The following LSM6 variants were observed in gnomAD, a reference collection of about 807,000 sequenced individuals.
LSM6 encodes the protein LSM6 homolog, U6 small nuclear RNA and mRNA degradation associated, also known as U6 snRNA-associated Sm-like protein LSm6.
Under a neutral mutation model 13.5 loss-of-function variants are expected in LSM6, and 2 were observed. That is an observed-to-expected ratio of 0.15 (90% CI 0.06 to 0.47). The LOEUF is 0.47. LSM6 is among the 20% of genes least tolerant of loss of function. LSM6 has a pLI of 0.97. For synonymous variants in LSM6, 43 were observed against 34.9 expected (o/e 1.23, Z -0.82); for missense variants, 58 against 96.4 (o/e 0.60, Z 1.67).
At chr4:146,176,691 C>G (rs1246879006) in intron 1 of LSM6, 1 of 151,958 alleles carries the variant, frequency 6.6e-6, no homozygotes, top group Non-Finnish European at 1.5e-5. Flanking sequence ...AATTTTGTAT[C>G]TTCTTTTGAT....
intron 1 of LSM6, among the ~76,000 whole-genome samples, chr4:146,181,974 G>GT (rs1030753392): frequency 8.5e-5 from 13 of 152,128 alleles, no homozygotes; most frequent in African/African-American, 2.9e-4. Context: ...TTATACTTGA[G>GT]TTTTAAGACT....
rs1578683952 is a variant in LSM6 at position 146,189,911 on chromosome 4, A to G, written c.*255A>G. On this transcript the variant is annotated 3_prime_UTR_variant, in exon 4 of 4. Transcript: ENST00000296581. ...TAAAATAATTAAAAAAAGACAAAAT[A>G]TACCTCTTCCTACAAGATTATTTAA... is the stretch of plus-strand genomic sequence containing the variant. 2.7e-6 allele frequency: 1 copy of G among 373,872 alleles called. No homozygotes were observed. Among genetic ancestry groups the G allele is most frequent in the Non-Finnish European group, 4.7e-6 (1 of 211,030 alleles). The allele number at this position is 373,872 out of a possible 1,614,324, so 23.2% of individuals were successfully genotyped here.
chr4:146,184,636 T>C (rs978608801), intron 2 of LSM6, among the ~76,000 whole-genome samples: 8 of 152,194 alleles, frequency 5.3e-5, no homozygotes, highest in African/African-American at 1.4e-4. Context: ...GGTTTTAATC[T>C]GTTTGACAGT....
At chr4:146,183,921 G>A (rs1394388166) in intron 2 of LSM6, among the ~76,000 whole-genome samples, 1 of 146,810 alleles carries the variant, frequency 6.8e-6, no homozygotes, top group Non-Finnish European at 1.5e-5. Context: ...CACCCAGGCT[G>A]GAGTGCAGCG....
At chr4:146,178,437 A>G (rs546276695) in intron 1 of LSM6, among the ~76,000 whole-genome samples, 2 of 152,204 alleles carry the variant, frequency 1.3e-5, no homozygotes, top group Non-Finnish European at 2.9e-5. Flanking sequence ...CCTTCAAAAG[A>G]CAGCGAGGAA....
At chr4:146,177,632 TTTTA>T (rs1730140409) in intron 1 of LSM6, among the ~76,000 whole-genome samples, 1 of 145,472 alleles carries the variant, frequency 6.9e-6, no homozygotes, top group African/African-American at 2.6e-5. Context: ...TTTTTTTTAT[TTTTA>T]TTTATTTTTA....
At chr4:146,183,703 C>G (rs1316951287) in intron 2 of LSM6, 1 of 151,966 alleles carries the variant, frequency 6.6e-6, no homozygotes, top group Non-Finnish European at 1.5e-5. Flanking sequence ...TAACAGAATA[C>G]CACAGACTGG....
chr4:146,181,986 T>A (rs1730242898), intron 1 of LSM6, among the ~76,000 whole-genome samples: 1 of 152,210 alleles, frequency 6.6e-6, no homozygotes, highest in South Asian at 2.1e-4. Flanking sequence ...TTTAAGACTT[T>A]TTTCTTCATT....
In LSM6 at chr4:146,191,481, C is replaced by T. The variant is rs907536113; in HGVS notation, c.*1825C>T. ...TGGAACTACTTTTAATCAAGATCAA[C>T]TTTGGGAAGTGCTGCCATTTTTATG... On this transcript the variant is annotated 3_prime_UTR_variant, in exon 4 of 4. Transcript: ENST00000296581. 1 of 152,214 alleles carries T rather than the reference C, an allele frequency of 6.6e-6. No homozygotes were observed. Among genetic ancestry groups the T allele is most frequent in the Non-Finnish European group, 1.5e-5 (1 of 68,050 alleles). The allele number at this position is 152,214 out of a possible 1,614,324, so 9.4% of individuals were successfully genotyped here.
intron 2 of LSM6, among the ~76,000 whole-genome samples, chr4:146,185,009 A>T (rs1430305665): frequency 6.6e-6 from 1 of 152,150 alleles, no homozygotes; most frequent in Non-Finnish European, 1.5e-5. Context: ...CTGCATAGGA[A>T]TCTCTTGTGT....
In LSM6 at chr4:146,190,874, A is replaced by G. The variant is rs1376063069; in HGVS notation, c.*1218A>G. 2 of 152,246 alleles carry G rather than the reference A, an allele frequency of 1.3e-5. No individual in the cohort carries two copies. The highest frequency in any genetic ancestry group is 1.9e-4 in the East Asian group (1 of 5,202). 9.4% of individuals were successfully genotyped at this position (152,246 alleles called of 1,614,324 possible). ...TCAGGAGCCGATGGTGTGATTCGAA[A>G]CAACTGCTTGGTTGAAGGATGGGGG... On this transcript the variant is annotated 3_prime_UTR_variant, in exon 4 of 4. Coordinates refer to ENST00000296581, the MANE Select transcript of LSM6 (RefSeq NM_007080.3).
At chr4:146,177,572 G>A (rs17021186) in intron 1 of LSM6, among the ~76,000 whole-genome samples, 1 of 151,854 alleles carries the variant, frequency 6.6e-6, no homozygotes, top group African/African-American at 2.4e-5. Flanking sequence ...TATCATTTGC[G>A]GTACCTTGGA....
At chr4:146,186,069 T>G (rs1730342738) in intron 2 of LSM6, among the ~76,000 whole-genome samples, 1 of 152,202 alleles carries the variant, frequency 6.6e-6, no homozygotes, top group Non-Finnish European at 1.5e-5. Flanking sequence ...TTTTCATTGG[T>G]TTTCAAACAG....
chr4:146,183,085 A>G (rs1484089250), intron 2 of LSM6, 70 bp downstream of exon 2: 5 of 1,165,800 alleles, frequency 4.3e-6, no homozygotes, highest in Non-Finnish European at 6.4e-6. Context: ...ATATTTATTA[A>G]CCTCTTAAGT....
intron 1 of LSM6, among the ~76,000 whole-genome samples, chr4:146,177,630 ATTTTTATTT>A (rs1730140348): frequency 1.4e-5 from 2 of 145,264 alleles, no homozygotes; most frequent in African/African-American, 5.2e-5. Flanking sequence ...AATTTTTTTT[ATTTTTATTT>A]ATTTTTATTT....
At chr4:146,184,891 A>G (rs770657485) in intron 2 of LSM6, among the ~76,000 whole-genome samples, 2 of 152,246 alleles carry the variant, frequency 1.3e-5, no homozygotes, top group African/African-American at 2.4e-5. Flanking sequence ...TTTGACCTCT[A>G]TATTAGCATA....
chr4:146,189,147 ATG>A, intron 3 of LSM6, among the ~76,000 whole-genome samples: 1 of 152,030 alleles, frequency 6.6e-6, no homozygotes, highest in East Asian at 1.9e-4. Context: ...ATATACCACC[ATG>A]CCTGGTTAAT....
intron 3 of LSM6, 126 bp downstream of exon 3, chr4:146,187,513 A>G (rs766749527): frequency 2.1e-5 from 12 of 581,200 alleles, no homozygotes; most frequent in Non-Finnish European, 3.4e-5. Context: ...TAAAATGCTT[A>G]TATGTCAGAT....
At chr4:146,178,741 T>A (rs1730167068) in intron 1 of LSM6, among the ~76,000 whole-genome samples, 1 of 152,250 alleles carries the variant, frequency 6.6e-6, no homozygotes, top group Non-Finnish European at 1.5e-5. Flanking sequence ...TCTCTGAGGC[T>A]AATTTACAGC....
Sources: gnomAD v4.1 joint callset for allele counts (sites outside exome capture counted in the v4.1 genomes callset) on GRCh38, gnomAD v4.1.1 for gene constraint, MANE v1.5 for transcripts, NCBI Gene and HGNC (gene_info 2026-07-23, HGNC 2026-07-21) for gene names.